The following GPC5 variants were observed in gnomAD, a reference collection of about 807,000 sequenced individuals.
GPC5 encodes glypican-5.
A neutral mutation model predicts 53.9 loss-of-function variants in GPC5; 47 were observed. The observed-to-expected ratio is 0.87, with a 90% CI of 0.69 to 1.11. GPC5 has a LOEUF of 1.11. GPC5 is among the 50% of genes most tolerant of loss of function. The probability of loss-of-function intolerance (pLI) is 0.00; values close to 1 mark genes in which losing one functional copy is unlikely to be tolerated. For missense variants in GPC5, 748 were observed against 713.1 expected (o/e 1.05, Z -0.56); for synonymous variants, 286 against 263.3 (o/e 1.09, Z -0.84).
At chr13:91,935,765 G>A (rs931587715) in intron 6 of GPC5, among the ~76,000 whole-genome samples, 2 of 151,968 alleles carry the variant, frequency 1.3e-5, no homozygotes, top group African/African-American at 4.8e-5. Flanking sequence ...AAATGTTTTT[G>A]AGAGTTAATG....
At chr13:91,652,245 C>T (rs2034731068) in intron 2 of GPC5, among the ~76,000 whole-genome samples, 1 of 151,980 alleles carries the variant, frequency 6.6e-6, no homozygotes, top group African/African-American at 2.4e-5. Context: ...GTGGCTATAC[C>T]TTTTGTAAAC....
chr13:92,050,261 A>G (rs929540612), intron 6 of GPC5, among the ~76,000 whole-genome samples: 3 of 152,130 alleles, frequency 2.0e-5, no homozygotes, highest in Non-Finnish European at 2.9e-5. Context: ...GTAACAACAT[A>G]TGTAATTTTG....
At chr13:91,930,379 T>G (rs2039810159) in intron 6 of GPC5, among the ~76,000 whole-genome samples, 1 of 152,196 alleles carries the variant, frequency 6.6e-6, no homozygotes, top group African/African-American at 2.4e-5. Flanking sequence ...TTATATGAAC[T>G]CTATTATAGT....
chr13:92,608,560 A>T (rs1316678245), intron 7 of GPC5, among the ~76,000 whole-genome samples: 2 of 152,184 alleles, frequency 1.3e-5, no homozygotes, highest in Non-Finnish European at 1.5e-5. Flanking sequence ...TGTAATATAA[A>T]TGCATTATTT....
At chr13:92,142,145 A>G (rs1392171050) in intron 6 of GPC5, among the ~76,000 whole-genome samples, 2 of 152,212 alleles carry the variant, frequency 1.3e-5, no homozygotes, top group Non-Finnish European at 2.9e-5. Context: ...ATGTATAGCT[A>G]TGTATCAAAC....
chr13:92,159,229 G>T (rs952476519), intron 7 of GPC5, among the ~76,000 whole-genome samples: 1 of 152,082 alleles, frequency 6.6e-6, no homozygotes, highest in Admixed American at 6.6e-5. Flanking sequence ...TCTGCCAATG[G>T]AAAGTCCTAA....
At chr13:92,468,329 T>C (rs1375208602) in intron 7 of GPC5, among the ~76,000 whole-genome samples, 1 of 152,042 alleles carries the variant, frequency 6.6e-6, no homozygotes, top group Non-Finnish European at 1.5e-5. Flanking sequence ...GGAAGTGAAG[T>C]GGGAATAGAG....
At chr13:91,446,747 T>C (rs1278827042) in intron 1 of GPC5, among the ~76,000 whole-genome samples, 1 of 152,218 alleles carries the variant, frequency 6.6e-6, no homozygotes, top group East Asian at 1.9e-4. Flanking sequence ...ATTGATATAG[T>C]AACTTAGGGA....
intron 7 of GPC5, among the ~76,000 whole-genome samples, chr13:92,561,650 A>G (rs1882698170): frequency 6.6e-6 from 1 of 152,066 alleles, no homozygotes; most frequent in African/African-American, 2.4e-5. Flanking sequence ...CAGTGTTATC[A>G]TTAGTACCAA....
At chr13:92,228,381 T>C (rs1402647469) in intron 7 of GPC5, among the ~76,000 whole-genome samples, 1 of 152,080 alleles carries the variant, frequency 6.6e-6, no homozygotes, top group South Asian at 2.1e-4. Context: ...GAGACTAAGG[T>C]AAAGTCACAT....
chr13:92,659,015 GC>G (rs1425113099), intron 7 of GPC5: 1 of 126,756 alleles, frequency 7.9e-6, no homozygotes, highest in African/African-American at 2.9e-5. Context: ...TGCAAGCTCC[GC>G]CTCCCGGGTT....
intron 5 of GPC5, among the ~76,000 whole-genome samples, chr13:91,839,225 G>A (rs1483056205): frequency 6.6e-6 from 1 of 152,064 alleles, no homozygotes; most frequent in African/African-American, 2.4e-5. Flanking sequence ...GTAAATAACA[G>A]CATCTATCTT....
intron 7 of GPC5, among the ~76,000 whole-genome samples, chr13:92,772,082 G>A (rs12429179): frequency 0.054 from 8,237 of 152,026 alleles, 741 homozygotes; most frequent in East Asian, 0.36. Flanking sequence ...CAAATTTCAA[G>A]ATACATTCAT....
intron 7 of GPC5, among the ~76,000 whole-genome samples, chr13:92,793,983 G>A (rs1876562608): frequency 6.6e-6 from 1 of 152,088 alleles, no homozygotes; most frequent in Non-Finnish European, 1.5e-5. Flanking sequence ...CATTCCTTCT[G>A]AAACTATTCC....
intron 2 of GPC5, among the ~76,000 whole-genome samples, chr13:91,548,468 A>G (rs548568856): frequency 6.6e-6 from 1 of 152,320 alleles, no homozygotes; most frequent in Non-Finnish European, 1.5e-5. Context: ...AAAGAACTAA[A>G]TTAATGGAGA....
intron 1 of GPC5, among the ~76,000 whole-genome samples, chr13:91,448,259 A>C (rs1276671061): frequency 6.6e-6 from 1 of 152,232 alleles, no homozygotes; most frequent in East Asian, 1.9e-4. Flanking sequence ...TCATTATTGC[A>C]GAGATAGCCT....
At chr13:92,404,307 T>A (rs1349407147) in intron 7 of GPC5, among the ~76,000 whole-genome samples, 1 of 152,212 alleles carries the variant, frequency 6.6e-6, no homozygotes, top group Non-Finnish European at 1.5e-5. Flanking sequence ...GCATGGACAT[T>A]GTTAGTCATG....
At chr13:92,053,634 A>G (rs1365398117) in intron 6 of GPC5, among the ~76,000 whole-genome samples, 1 of 152,116 alleles carries the variant, frequency 6.6e-6, no homozygotes, top group Non-Finnish European at 1.5e-5. Context: ...TTATATACAG[A>G]TATATGAAAA....
intron 2 of GPC5, among the ~76,000 whole-genome samples, chr13:91,567,610 C>T (rs1191246407): frequency 6.6e-6 from 1 of 152,068 alleles, no homozygotes; most frequent in Admixed American, 6.6e-5. Context: ...ATCACAAACC[C>T]ATTCTGATTG....
Sources: gnomAD v4.1 joint callset for allele counts (sites outside exome capture counted in the v4.1 genomes callset) on GRCh38, gnomAD v4.1.1 for gene constraint, MANE v1.5 for transcripts, NCBI Gene and HGNC (gene_info 2026-07-23, HGNC 2026-07-21) for gene names.